The following USP42 variants were observed in gnomAD, a reference collection of about 807,000 sequenced individuals.
USP42 encodes the protein ubiquitin carboxyl-terminal hydrolase 42.
USP42 carries 23 observed loss-of-function variants against 113.0 expected under a neutral mutation model. That is an observed-to-expected ratio of 0.20 (90% CI 0.15 to 0.29). The LOEUF is 0.29. USP42 is among the 10% of genes least tolerant of loss of function. The pLI, the probability that USP42 is intolerant of heterozygous loss-of-function variation, is 1.00. For missense variants in USP42, 2,174 were observed against 1,779.8 expected, an observed-to-expected ratio of 1.22 and a Z score of -3.99; for synonymous variants, 933 against 699.0, an observed-to-expected ratio of 1.33 and a Z score of -5.28.
rs760652427 is a variant in USP42 at position 6,154,704 on chromosome 7, C to T, written c.3150C>T (p.Tyr1050=). The T allele has an allele frequency of 6.3e-7, 1 of 1,599,214 alleles. No homozygotes were observed. The highest frequency in any genetic ancestry group is 2.3e-5 in the East Asian group (1 of 44,212). Residue 1050 remains tyrosine (Y), a synonymous_variant, in exon 15 of 18, where the codon TAC becomes TAT. Coordinates refer to ENST00000306177, the MANE Select transcript of USP42 (RefSeq NM_032172.3). ...GERGWGREKF[Y]PDRPRWDRCR... ...GTGGCTGGGGCCGGGAGAAGTTCTACCCCGACAGGCCGCGCTGGGACAGGT... is the reference window on the plus strand; with the variant it reads ...GTGGCTGGGGCCGGGAGAAGTTCTATCCCGACAGGCCGCGCTGGGACAGGT...
chr7:6,114,452 T>C (rs1199561494), intron 2 of USP42, among the ~76,000 whole-genome samples: 1 of 151,886 alleles, frequency 6.6e-6, no homozygotes, highest in Non-Finnish European at 1.5e-5. Flanking sequence ...CACCTCCTTA[T>C]CTCCCCACGA....
At chr7:6,113,085 A>G (rs1266128551) in intron 2 of USP42, among the ~76,000 whole-genome samples, 1 of 151,484 alleles carries the variant, frequency 6.6e-6, no homozygotes, top group Non-Finnish European at 1.5e-5. Context: ...TTGTATTTTT[A>G]GTAGAGACGG....
At chr7:6,091,997 T>C in the USP42 span, among the ~76,000 whole-genome samples, 4 of 71,018 alleles carry the variant, frequency 5.6e-5, no homozygotes, top group African/African-American at 1.4e-4. Context: ...CTTCTTCTTC[T>C]TCTTCTTCTT....
intron 14 of USP42, among the ~76,000 whole-genome samples, chr7:6,152,689 G>A (rs1331434662): frequency 1.3e-5 from 2 of 152,206 alleles, no homozygotes; most frequent in Admixed American, 1.3e-4. Context: ...TGAGGTAGGT[G>A]GCTGTGCAGA....
At chr7:6,146,337 T>TA (rs75745239) in intron 11 of USP42, 89 bp downstream of exon 11, 90,306 of 612,066 alleles carry the variant, frequency 0.15, 2,463 homozygotes, top group East Asian at 0.3. Flanking sequence ...TTCAGTGTTT[T>TA]AAAAAAAAAA....
chr7:6,159,695 C>T lies in USP42; in HGVS notation c.*36+202C>T, dbSNP rs1183529529. ...CAGACCTAGACCCTCCACCTCATCA[C>T]GTTTGCATTACTGGCTGGGGAAGAC... On this transcript the variant is annotated intron_variant, in intron 17 of 17. Coordinates refer to ENST00000306177, the MANE Select transcript of USP42 (RefSeq NM_032172.3). This position sits in a 1 kb window ranked among gnomAD's most constrained non-coding sequence, Gnocchi z 4.1. Among the ~76,000 whole-genome samples, 1 of 152,180 alleles carries T rather than the reference C, an allele frequency of 6.6e-6. No individual in the cohort carries two copies. The highest frequency in any genetic ancestry group is 1.9e-4 in the East Asian group (1 of 5,190).
intron 3 of USP42, among the ~76,000 whole-genome samples, chr7:6,120,234 G>T (rs1043356031): frequency 6.6e-6 from 1 of 152,112 alleles, no homozygotes; most frequent in African/African-American, 2.4e-5. Context: ...AGAGTGTTGG[G>T]ATTACAGGCG....
rs1479383784 is a variant in USP42 at position 6,153,783 on chromosome 7, C to T, written c.2229C>T (p.Pro743=). ...CACCTGGAGCAGAGAGGGGCCCTCCCGAGGACCGCGACGCCGAGCCTCAGC... is the reference window on the plus strand; with the variant it reads ...CACCTGGAGCAGAGAGGGGCCCTCCTGAGGACCGCGACGCCGAGCCTCAGC... ...MSAPGAERGP[P]EDRDAEPQPG... Residue 743 remains proline, a synonymous_variant, in exon 15 of 18, where the codon CCC becomes CCT. Coordinates refer to ENST00000306177, the MANE Select transcript of USP42 (RefSeq NM_032172.3). 1.1e-5 allele frequency: 16 copies of T among 1,490,462 alleles called. No individual in the cohort carries two copies. Among genetic ancestry groups the T allele is most frequent in the Middle Eastern group, 2.4e-4 (1 of 4,180 alleles). 92.3% of individuals were successfully genotyped at this position (1,490,462 alleles called of 1,614,324 possible).
chr7:6,118,486 T>C (rs983429203), intron 3 of USP42, among the ~76,000 whole-genome samples: 14 of 152,026 alleles, frequency 9.2e-5, no homozygotes, highest in African/African-American at 3.4e-4. Context: ...TGTGCCACTT[T>C]ATTCCAGTCT....
chr7:6,100,996 T>C (rs1562789539), upstream of USP42, among the ~76,000 whole-genome samples: 1 of 150,894 alleles, frequency 6.6e-6, no homozygotes, highest in Non-Finnish European at 1.5e-5. Context: ...CCAGGATATC[T>C]AGAAGTGAGG....
At chr7:6,122,503 C>T (rs1037519116) in intron 3 of USP42, among the ~76,000 whole-genome samples, 1 of 151,922 alleles carries the variant, frequency 6.6e-6, no homozygotes, top group Non-Finnish European at 1.5e-5. Context: ...CAGAGTCTTG[C>T]TCTGTTGCCA....
rs1395416093 is a variant in USP42, at chr7:6,107,566, C to T, written c.-10+2534C>T. Among the ~76,000 whole-genome samples, 8 of 152,078 alleles carry T rather than the reference C, an allele frequency of 5.3e-5. No homozygotes were observed. In the East Asian group the frequency reaches 5.8e-4, roughly 11 times the overall value. On this transcript the variant is annotated intron_variant, in intron 1 of 17. Coordinates refer to ENST00000306177, the MANE Select transcript of USP42 (RefSeq NM_032172.3). Reference sequence around the variant, plus strand: ...CTGGGATTACAGGCATGCGCCACCACGCCTGGCTAATTTTGTATTTTTAGT... The same window carrying T: ...CTGGGATTACAGGCATGCGCCACCATGCCTGGCTAATTTTGTATTTTTAGT...
Position 6,112,844 on chromosome 7 carries a change from C to A in USP42, c.241+1470C>A, listed in dbSNP as rs1268831475. ...CCAGGGAAGCCAAAAGATTGGACAC[C>A]CCCTGGCTTCGAGTAGTTTGATCGC... On this transcript the variant is annotated intron_variant, in intron 2 of 17. Coordinates refer to ENST00000306177, the MANE Select transcript of USP42 (RefSeq NM_032172.3). 2.6e-5 allele frequency among the ~76,000 whole-genome samples: 4 copies of A among 151,784 alleles called. No homozygotes were observed. The East Asian group carries it at 5.8e-4, about 22-fold the overall frequency.
At chr7:6,125,955 C>T (rs185361126) in intron 3 of USP42, among the ~76,000 whole-genome samples, 6 of 152,174 alleles carry the variant, frequency 3.9e-5, no homozygotes, top group South Asian at 4.2e-4. Context: ...GAACCTCCCC[C>T]AGTGATAACA....
intron 6 of USP42, 106 bp from the exon 7 acceptor site, chr7:6,140,806 TAC>T (rs528691465): frequency 7.0e-5 from 46 of 652,826 alleles, no homozygotes; most frequent in Middle Eastern, 3.4e-4. Flanking sequence ...ATAGAAAAAT[TAC>T]AGTTAAAAAA....
Position 6,161,227 on chromosome 7 carries a change from C to T in USP42, c.*709C>T, listed in dbSNP as rs944288727. On this transcript the variant is annotated 3_prime_UTR_variant, in exon 18 of 18. Transcript: ENST00000306177. ...TACACAACACTTTTTGATACAGCGT[C>T]TCTTGTCTTCACTGATACTGGAGTC... is the stretch of plus-strand genomic sequence containing the variant. 1 of 152,588 alleles carries T rather than the reference C, an allele frequency of 6.6e-6. No individual in the cohort carries two copies. Among genetic ancestry groups the T allele is most frequent in the African/African-American group, 2.4e-5 (1 of 41,424 alleles). 9.5% of individuals were successfully genotyped at this position (152,588 alleles called of 1,614,324 possible).
intron 3 of USP42, among the ~76,000 whole-genome samples, chr7:6,118,286 C>G (rs986875377): frequency 1.3e-5 from 2 of 152,014 alleles, no homozygotes; most frequent in African/African-American, 4.8e-5. Context: ...TTTTGGGAGG[C>G]TGAGGCGGGT....
chr7:6,146,370 C>G, intron 11 of USP42, 122 bp downstream of exon 11: 2 of 685,824 alleles, frequency 2.9e-6, no homozygotes, highest in East Asian at 2.9e-5. Context: ...GCTTAAAGAT[C>G]AACTCTAGCC....
rs1421422064 is a variant in USP42, at chr7:6,154,669, G to A, written c.3115G>A (p.Glu1039Lys). ...GGACTGGGTCAGACACCACTACACC[G>A]AGGGCGAGCGTGGCTGGGGCCGGGA... ...ELDWVRHHYT[E>K]GERGWGREKF... is the part of the protein sequence containing the mutation. The change falls in exon 15 of 18, where the codon GAG (glutamate) becomes AAG (lysine). Residue 1039 changes from glutamate (E) to lysine (K), a missense_variant. Transcript: ENST00000306177. The A allele has an allele frequency of 6.2e-7, 1 of 1,605,762 alleles. No individual in the cohort carries two copies. Among genetic ancestry groups the A allele is most frequent in the South Asian group, 1.1e-5 (1 of 89,748 alleles).
Sources: gnomAD v4.1 joint callset for allele counts (sites outside exome capture counted in the v4.1 genomes callset) on GRCh38, gnomAD v4.1.1 for gene constraint, Gnocchi (gnomAD v3.1) non-coding constraint, MANE v1.5 for transcripts, NCBI Gene and HGNC (gene_info 2026-07-23, HGNC 2026-07-21) for gene names.